Variants in SLC25A21 observed in about 807,000 individuals in gnomAD.
SLC25A21 encodes mitochondrial 2-oxodicarboxylate carrier.
A neutral mutation model predicts 43.8 loss-of-function variants in SLC25A21; 47 were observed. The ratio of observed to expected loss-of-function variants is 1.07; its 90% confidence interval spans 0.85 to 1.37. The LOEUF is 1.37. Ranked by LOEUF, SLC25A21 falls within the 40% of genes most tolerant of loss-of-function variation. SLC25A21 has a pLI of 0.00. For synonymous variants in SLC25A21, 131 were observed against 121.3 expected (o/e 1.08, Z -0.52); for missense variants, 352 against 350.2 (o/e 1.00, Z -0.04).
intron 3 of SLC25A21, among the ~76,000 whole-genome samples, chr14:36,744,544 G>T (rs1331386904): frequency 1.4e-5 from 2 of 141,024 alleles, no homozygotes; most frequent in Non-Finnish European, 3.1e-5. Context: ...AACTCAAAAT[G>T]GATTACAGAC....
chr14:37,009,955 C>A (rs926319722), intron 1 of SLC25A21, among the ~76,000 whole-genome samples: 1 of 152,150 alleles, frequency 6.6e-6, no homozygotes, highest in African/African-American at 2.4e-5. Context: ...AAATAATTGT[C>A]TAATCTAGGT....
chr14:36,999,656 G>T (rs1391918856), intron 1 of SLC25A21, among the ~76,000 whole-genome samples: 1 of 152,090 alleles, frequency 6.6e-6, no homozygotes, highest in East Asian at 1.9e-4. Context: ...CTTGAATTTT[G>T]CTGTGAACCT....
At chr14:37,029,453 T>C (rs1196998617) in intron 1 of SLC25A21, among the ~76,000 whole-genome samples, 1 of 152,190 alleles carries the variant, frequency 6.6e-6, no homozygotes, top group East Asian at 1.9e-4. Flanking sequence ...AACTCAATTT[T>C]ACAACGAAAG....
intron 1 of SLC25A21, among the ~76,000 whole-genome samples, chr14:37,081,328 A>C (rs1962383602): frequency 1.3e-5 from 2 of 152,224 alleles, no homozygotes; most frequent in Admixed American, 6.5e-5. Flanking sequence ...GTAATTGAGA[A>C]GATGTGTTGT....
chr14:36,964,873 A>C (rs1191400780), intron 1 of SLC25A21, among the ~76,000 whole-genome samples: 4 of 152,122 alleles, frequency 2.6e-5, no homozygotes, highest in Non-Finnish European at 5.9e-5. Context: ...CAATCTTCCT[A>C]TATTTGTCTC....
At chr14:36,784,188 G>A (rs1323498152) in intron 3 of SLC25A21, among the ~76,000 whole-genome samples, 1 of 152,192 alleles carries the variant, frequency 6.6e-6, no homozygotes, top group Non-Finnish European at 1.5e-5. Context: ...CGATCAAGCT[G>A]TGGCTTGAGG....
intron 1 of SLC25A21, among the ~76,000 whole-genome samples, chr14:37,163,700 G>T (rs1376272790): frequency 1.3e-5 from 2 of 152,132 alleles, no homozygotes; most frequent in African/African-American, 4.8e-5. Flanking sequence ...GAGGAGTGGG[G>T]AGGATGAATA....
chr14:36,952,805 G>A (rs1233029420), intron 1 of SLC25A21, among the ~76,000 whole-genome samples: 1 of 152,122 alleles, frequency 6.6e-6, no homozygotes, highest in Non-Finnish European at 1.5e-5. Flanking sequence ...GTGTGGCCTT[G>A]GGCAAAAAGA....
At chr14:36,699,149 T>A (rs1413397714) in intron 7 of SLC25A21, among the ~76,000 whole-genome samples, 1 of 152,088 alleles carries the variant, frequency 6.6e-6, no homozygotes, top group Admixed American at 6.5e-5. Flanking sequence ...ATGCTATTCC[T>A]TTCTGTTTGT....
At chr14:36,855,776 T>C (rs1456232287) in intron 2 of SLC25A21, among the ~76,000 whole-genome samples, 1 of 152,230 alleles carries the variant, frequency 6.6e-6, no homozygotes, top group African/African-American at 2.4e-5. Context: ...CATATTCTGA[T>C]GCCTCACTAA....
chr14:37,172,540 C>T lies in SLC25A21; in HGVS notation c.-190G>A, dbSNP rs1466874320. On this transcript the variant is annotated 5_prime_UTR_variant, in exon 1 of 10. Transcript: ENST00000331299. ...CAGATTCGTCGCGCGATCTCCGGCG[C>T]GTCGGAACCTGTTCGCAGCGCTCTC... The T allele has an allele frequency of 2.8e-6, 2 of 727,234 alleles. No individual in the cohort carries two copies. Among genetic ancestry groups the T allele is most frequent in the East Asian group, 5.4e-5 (2 of 37,294 alleles). 45.0% of individuals were successfully genotyped at this position (727,234 alleles called of 1,614,324 possible). A position where few individuals can be genotyped will look rare whatever the true frequency, so the allele number is the denominator to read the frequency against.
intron 7 of SLC25A21, among the ~76,000 whole-genome samples, chr14:36,690,168 C>T (rs1179773820): frequency 1.3e-5 from 2 of 152,000 alleles, no homozygotes; most frequent in Non-Finnish European, 2.9e-5. Flanking sequence ...TGCTGATAAC[C>T]ATAATAATAA....
intron 1 of SLC25A21, among the ~76,000 whole-genome samples, chr14:36,879,550 T>C (rs1032167084): frequency 6.6e-6 from 1 of 152,174 alleles, no homozygotes; most frequent in Non-Finnish European, 1.5e-5. Flanking sequence ...AATTTGACCC[T>C]ACCACAGGCA....
intron 2 of SLC25A21, among the ~76,000 whole-genome samples, chr14:36,855,309 G>A (rs1287215883): frequency 6.6e-6 from 1 of 152,098 alleles, no homozygotes; most frequent in East Asian, 1.9e-4. Context: ...GGGCCAAGTA[G>A]TAGGAAAAGT....
At chr14:36,767,602 T>C (rs1414325224) in intron 3 of SLC25A21, among the ~76,000 whole-genome samples, 3 of 152,208 alleles carry the variant, frequency 2.0e-5, no homozygotes, top group Admixed American at 6.5e-5. Context: ...TCTTGAAAAG[T>C]TGGAGTGAGT....
intron 1 of SLC25A21, among the ~76,000 whole-genome samples, chr14:37,066,878 T>C (rs896477757): frequency 6.6e-6 from 1 of 152,134 alleles, no homozygotes; most frequent in Non-Finnish European, 1.5e-5. Flanking sequence ...TCAACTTATC[T>C]AGAAGTTTTA....
chr14:36,903,792 G>C (rs774322321), intron 1 of SLC25A21, among the ~76,000 whole-genome samples: 1 of 152,038 alleles, frequency 6.6e-6, no homozygotes, highest in African/African-American at 2.4e-5. Context: ...AGGAACATGT[G>C]CTCCTCAGTT....
chr14:37,091,654 G>A (rs543368033), intron 1 of SLC25A21, among the ~76,000 whole-genome samples: 3 of 152,192 alleles, frequency 2.0e-5, no homozygotes, highest in Non-Finnish European at 2.9e-5. Flanking sequence ...CTTTGCACAC[G>A]TCTGTGAATG....
At chr14:36,913,373 C>T (rs1374225216) in intron 1 of SLC25A21, among the ~76,000 whole-genome samples, 1 of 152,154 alleles carries the variant, frequency 6.6e-6, no homozygotes, top group African/African-American at 2.4e-5. Flanking sequence ...ACTGCAACCT[C>T]CGCCTCTTGG....
Sources: allele counts gnomAD v4.1 joint callset (sites outside exome capture counted in the v4.1 genomes callset), GRCh38; gene constraint gnomAD v4.1.1; transcripts MANE v1.5; gene names NCBI Gene and HGNC (gene_info 2026-07-23, HGNC 2026-07-21).